The following ARAP2 variants were observed in gnomAD, a reference collection of about 807,000 sequenced individuals.
ARAP2 encodes the protein ArfGAP with RhoGAP domain, ankyrin repeat and PH domain 2.
A neutral mutation model predicts 194.5 loss-of-function variants in ARAP2; 148 were observed. The ratio of observed to expected loss-of-function variants is 0.76; its 90% CI spans 0.67 to 0.87. The LOEUF (loss-of-function observed/expected upper bound fraction) is 0.87. Ranked by LOEUF, ARAP2 falls within the 40% of genes least tolerant of loss-of-function variation. The probability of loss-of-function intolerance (pLI) is 0.00; values close to 1 mark genes in which losing one functional copy is unlikely to be tolerated. For missense variants in ARAP2, 2,128 were observed against 1,989.7 expected (o/e 1.07, Z -1.32); for synonymous variants, 695 against 683.5 (o/e 1.02, Z -0.26).
chr4:36,049,074 A>G (rs1722261366), intron 3 of ARAP2, among the ~76,000 whole-genome samples: 1 of 152,046 alleles, frequency 6.6e-6, no homozygotes, highest in Non-Finnish European at 1.5e-5. Flanking sequence ...CTTCTTTCTC[A>G]GGATTGATTT....
At chr4:36,225,351 G>A (rs1750088623) in intron 2 of ARAP2, among the ~76,000 whole-genome samples, 1 of 152,122 alleles carries the variant, frequency 6.6e-6, no homozygotes, top group Non-Finnish European at 1.5e-5. Context: ...GTAGCTGTGA[G>A]ATTCCTTCCT....
At chr4:36,243,096 A>AG (rs1231917841) in intron 1 of ARAP2, among the ~76,000 whole-genome samples, 2 of 145,916 alleles carry the variant, frequency 1.4e-5, no homozygotes, top group Non-Finnish European at 3.0e-5. Context: ...ATAAGAGTTA[A>AG]AAAAAAAAGA....
At position 36,210,467 on chromosome 4, in the gene ARAP2, T is replaced by C. The variant is rs771646108; in HGVS notation, c.1410A>G (p.Ile470Met). The change falls in exon 6 of 33, where the codon ATA (isoleucine) becomes ATG (methionine). Residue 470 changes from isoleucine to methionine, a missense_variant. By Grantham distance (10) the Ile-to-Met change is conservative. Transcript: ENST00000303965. ...CTCCATAAAAGCAGGCATAGGGAGA[T>C]ATTGCCTGTGAAGAAACGGCTGATG... The part of the protein sequence containing the change: ...ADSSAVSSQA[I>M]SPYACFYGAS... 6.8e-6 allele frequency: 11 copies of C among 1,613,918 alleles called. No homozygotes were observed. The highest frequency in any genetic ancestry group is 1.7e-5 in the Admixed American group (1 of 59,998).
chr4:36,114,472 T>A (rs1214054991), intron 25 of ARAP2, among the ~76,000 whole-genome samples, 185 bp from the exon 26 acceptor site: 1 of 151,952 alleles, frequency 6.6e-6, no homozygotes, highest in Non-Finnish European at 1.5e-5. Flanking sequence ...AAAATGTACA[T>A]AAGTACAAAA....
intron 6 of ARAP2, among the ~76,000 whole-genome samples, chr4:36,197,985 G>A (rs1242572915): frequency 6.6e-6 from 1 of 152,184 alleles, no homozygotes; most frequent in Non-Finnish European, 1.5e-5. Context: ...ATGATGAGAA[G>A]GCGAAGTGTT....
chr4:36,072,868 G>A (rs1431211725), intron 32 of ARAP2, among the ~76,000 whole-genome samples: 1 of 152,016 alleles, frequency 6.6e-6, no homozygotes, highest in Non-Finnish European at 1.5e-5. Context: ...GTTCAAGAAA[G>A]GATATGCACA....
chr4:36,169,990 A>G (rs1217360126), intron 9 of ARAP2, among the ~76,000 whole-genome samples: 1 of 152,240 alleles, frequency 6.6e-6, no homozygotes, highest in East Asian at 1.9e-4. Context: ...TTTCTATTAA[A>G]AAACTGTGGA....
intron 1 of ARAP2, among the ~76,000 whole-genome samples, chr4:36,241,766 T>C (rs946429515): frequency 5.9e-5 from 9 of 152,210 alleles, no homozygotes; most frequent in African/African-American, 2.2e-4. Context: ...ATGACCCTAA[T>C]TTCCACATGG....
intron 5 of ARAP2, among the ~76,000 whole-genome samples, chr4:36,033,437 T>A (rs1577602678): frequency 6.6e-6 from 1 of 152,040 alleles, no homozygotes; most frequent in African/African-American, 2.4e-5. Flanking sequence ...TGTTGACAAG[T>A]ATGTCTCCTT....
In ARAP2 at chr4:36,202,080, T is replaced by C. The variant is rs551162620; in HGVS notation, c.1487+8310A>G. On this transcript the variant is annotated intron_variant, in intron 6 of 32. Transcript: ENST00000303965. ...TCCAGATTCATCTGCCTTGTTTACA[T>C]AGCCCTAAAGAATCACAGCATATTT... 4.6e-5 allele frequency among the ~76,000 whole-genome samples: 7 copies of C among 152,324 alleles called. No individual in the cohort carries two copies. In the East Asian group the frequency reaches 5.8e-4, roughly 13 times the overall value.
At chr4:36,072,698 A>AG (rs2109314987) in intron 32 of ARAP2, among the ~76,000 whole-genome samples, 1 of 151,764 alleles carries the variant, frequency 6.6e-6, no homozygotes, top group Non-Finnish European at 1.5e-5. Context: ...AACAAAAAAA[A>AG]AAACTAGGTA....
Position 36,187,434 on chromosome 4 carries a change from T to C in ARAP2, c.1678+17A>G, listed in dbSNP as rs1241706702. Reference sequence around the variant, plus strand: ...CAGAAATTAATGTATTTCATATGGATAAATAAATAATCTCACCTTCTTTTT... The same window carrying C: ...CAGAAATTAATGTATTTCATATGGACAAATAAATAATCTCACCTTCTTTTT... On this transcript the variant is annotated intron_variant, in intron 8 of 32. Transcript: ENST00000303965. 2.2e-6 allele frequency: 3 copies of C among 1,340,964 alleles called. No individual in the cohort carries two copies. The highest frequency in any genetic ancestry group is 2.5e-5 in the Admixed American group (1 of 40,762). The allele number at this position is 1,340,964 out of a possible 1,614,324, so 83.1% of individuals were successfully genotyped here. A position where few individuals can be genotyped will look rare whatever the true frequency, so the allele number is the denominator to read the frequency against.
chr4:36,083,953 C>T (rs1484136446), intron 28 of ARAP2, among the ~76,000 whole-genome samples: 4 of 152,186 alleles, frequency 2.6e-5, no homozygotes, highest in South Asian at 2.1e-4. Context: ...CTAAGTCTTC[C>T]GGCCTTCATC....
rs1343895155 is a variant in ARAP2, at chr4:36,014,277, GA to G, written n.1056+1108del. On this transcript the variant is annotated intron_variant and non_coding_transcript_variant, in intron 8 of 12. Transcript: ENST00000503225. ...AGAAAGAAAGAAAGAAAGAAAGAAA[GA>G]AAGAAAGAAAGAAAGAAAGAAGAGA... 1.1e-4 allele frequency among the ~76,000 whole-genome samples: 16 copies of G among 139,246 alleles called. 1 individual carries two copies. Among genetic ancestry groups the G allele is most frequent in the African/African-American group, 3.5e-4 (13 of 36,928 alleles). The allele number at this position is 139,246 out of a possible 152,430, so 91.4% of individuals were successfully genotyped here.
At chr4:36,141,818 C>G (rs894185450) in intron 19 of ARAP2, among the ~76,000 whole-genome samples, 1 of 151,600 alleles carries the variant, frequency 6.6e-6, no homozygotes, top group South Asian at 2.1e-4. Flanking sequence ...TATAGGCCAA[C>G]AGTATAAATA....
rs575948998 is a variant in ARAP2 at position 36,098,238 on chromosome 4, C to G, written c.4286-6218G>C. Reference sequence around the variant, plus strand: ...ATGGCATTTCTCAGATATATATCCCCCGCTTTACCCTCCATGTCCAGGCAG... The same window carrying G: ...ATGGCATTTCTCAGATATATATCCCGCGCTTTACCCTCCATGTCCAGGCAG... On this transcript the variant is annotated intron_variant, in intron 27 of 32. Coordinates refer to ENST00000303965, the MANE Select transcript of ARAP2 (RefSeq NM_015230.4). 2.6e-5 allele frequency among the ~76,000 whole-genome samples: 4 copies of G among 152,090 alleles called. No individual in the cohort carries two copies. The East Asian group carries it at 7.8e-4, about 29-fold the overall frequency.
chr4:36,110,176 T>G (rs1448682630), intron 26 of ARAP2, among the ~76,000 whole-genome samples: 1 of 151,888 alleles, frequency 6.6e-6, no homozygotes, highest in African/African-American at 2.4e-5. Context: ...ATAGTTAATT[T>G]TATTCTGTAC....
intron 31 of ARAP2, among the ~76,000 whole-genome samples, chr4:36,076,886 CA>C (rs1434697089): frequency 1.3e-5 from 2 of 152,126 alleles, no homozygotes; most frequent in African/African-American, 4.8e-5. Context: ...ATCCCACTTA[CA>C]TCTGACAGTT....
intron 27 of ARAP2, among the ~76,000 whole-genome samples, chr4:36,103,438 T>A (rs1169992069): frequency 6.6e-6 from 1 of 151,414 alleles, no homozygotes. Context: ...GTGATAGATA[T>A]GTTGAAGTTC....
Sources: gnomAD v4.1 joint callset for allele counts (sites outside exome capture counted in the v4.1 genomes callset) on GRCh38, gnomAD v4.1.1 for gene constraint, MANE v1.5 for transcripts, NCBI Gene and HGNC (gene_info 2026-07-23, HGNC 2026-07-21) for gene names.